The following TEX10 variants were observed in gnomAD, a reference collection of about 807,000 sequenced individuals.
TEX10 encodes the protein testis-expressed protein 10.
Under a neutral mutation model 104.4 loss-of-function variants are expected in TEX10, and 24 were observed. The observed-to-expected ratio is 0.23, with a 90% CI of 0.17 to 0.32. The LOEUF (loss-of-function observed/expected upper bound fraction) is 0.32. Ranked by LOEUF, TEX10 falls within the 10% of genes least tolerant of loss-of-function variation. The probability of loss-of-function intolerance (pLI) is 1.00; values close to 1 mark genes in which losing one functional copy is unlikely to be tolerated. For missense variants in TEX10, 921 were observed against 1,083.9 expected (o/e 0.85, Z 2.11); for synonymous variants, 396 against 393.4 (o/e 1.01, Z -0.08).
Position 100,340,378 on chromosome 9 carries a change from A to G in TEX10, c.1138-9T>C. ...TTTCGAAGCCATGACTCCTATTGAA[A>G]TAGCAAAGATTAGAAAAATCTACAA... On this transcript the variant is annotated splice_polypyrimidine_tract_variant and intron_variant, in intron 4 of 14. Transcript: ENST00000374902. 6.8e-7 allele frequency: 1 copy of G among 1,475,354 alleles called. No homozygotes were observed. The highest frequency in any genetic ancestry group is 9.1e-7 in the Non-Finnish European group (1 of 1,101,462). The allele number at this position is 1,475,354 out of a possible 1,614,324, so 91.4% of individuals were successfully genotyped here.
chr9:100,314,906 T>C (rs905595343), intron 11 of TEX10, among the ~76,000 whole-genome samples: 2 of 152,208 alleles, frequency 1.3e-5, no homozygotes, highest in African/African-American at 4.8e-5. Flanking sequence ...GGTTTTAGTA[T>C]GATTTGTTTC....
chr9:100,303,853 A>T lies in TEX10; in HGVS notation c.2466-11T>A. 6.2e-7 allele frequency: 1 copy of T among 1,613,376 alleles called. No homozygotes were observed. The highest frequency in any genetic ancestry group is 8.5e-7 in the Non-Finnish European group (1 of 1,179,768). On this transcript the variant is annotated splice_polypyrimidine_tract_variant and intron_variant, in intron 13 of 14. Transcript: ENST00000374902. ...CCCCACAGCTTGTCCCTACAATAAC[A>T]GAGACAGAAATGAGTCAGTGAGCAA...
intron 1 of TEX10, among the ~76,000 whole-genome samples, chr9:100,349,683 C>T (rs10989064): frequency 0.46 from 69,032 of 151,554 alleles, 17,371 homozygotes; most frequent in East Asian, 0.89. Flanking sequence ...TTCCTTTGTT[C>T]GAGTGTAGGA....
Position 100,327,887 on chromosome 9 carries a change from A to C in TEX10, c.1701T>G (p.Pro567=). 1 of 1,606,160 alleles carries C rather than the reference A, an allele frequency of 6.2e-7. No homozygotes were observed. The highest frequency in any genetic ancestry group is 8.5e-7 in the Non-Finnish European group (1 of 1,174,642). Residue 567 remains proline, a synonymous_variant, in exon 8 of 15, where the codon CCT becomes CCG. Transcript: ENST00000374902. ...TATCGATAAGCTGTGTAGAGAGCTC[A>C]GGATTTCGGGAGCCAAGATGAGCAA... The part of the protein sequence containing the change: ...LQLAHLGSRN[P]ELSTQLIDII...
chr9:100,302,927 C>G (rs927547042), intron 14 of TEX10, among the ~76,000 whole-genome samples: 1 of 108,914 alleles, frequency 9.2e-6, no homozygotes, highest in Non-Finnish European at 1.8e-5. Context: ...CTTTTTTAAC[C>G]GCCCCCCCCC....
chr9:100,326,432 G>A lies in TEX10; in HGVS notation c.1849C>T (p.Arg617Cys), dbSNP rs369280379. The A allele has an allele frequency of 3.1e-6, 5 of 1,613,808 alleles. No homozygotes were observed. Among genetic ancestry groups the A allele is most frequent in the Admixed American group, 1.7e-5 (1 of 59,946 alleles). ...VVVLPADSQQRLVQLVYFLPS... is the reference protein window; with the variant it reads ...VVVLPADSQQCLVQLVYFLPS... Reference sequence around the variant, plus strand: ...AGGAAATATACAAGCTGAACCAAACGCTGCTGAGAGTCTGCAGGGAGAACC... The same window carrying A: ...AGGAAATATACAAGCTGAACCAAACACTGCTGAGAGTCTGCAGGGAGAACC... The change falls in exon 9 of 15, where the codon CGT becomes TGT. Residue 617 changes from arginine (R) to cysteine (C), a missense_variant. Around this residue, in one of 3 missense-constraint regions of TEX10, gnomAD observed 753 missense variants for 868.4 expected, o/e 0.87. Coordinates refer to ENST00000374902, the MANE Select transcript of TEX10 (RefSeq NM_017746.4).
chr9:100,314,391 A>T (rs1346995061), intron 11 of TEX10, among the ~76,000 whole-genome samples: 4 of 151,764 alleles, frequency 2.6e-5, no homozygotes, highest in African/African-American at 9.7e-5. Context: ...CGGCCTGGAG[A>T]TTTTTTTATT....
chr9:100,320,298 C>G lies in TEX10; in HGVS notation c.2169G>C (p.Leu723Phe). 1 of 1,612,056 alleles carries G rather than the reference C, an allele frequency of 6.2e-7. No homozygotes were observed. ...LSPVLLYLTD[L>F]DQFLHHWDVT... ...CATCCCAGTGGTGTAAAAATTGATC[C>G]AAATCTGTAAGGTAGAGAAGCACAG... Residue 723 changes from leucine (L) to phenylalanine (F), a missense_variant, in exon 11 of 15, where the codon TTG becomes TTC. Physicochemically the swap from Leu to Phe is conservative, Grantham distance 22. Coordinates refer to ENST00000374902, the MANE Select transcript of TEX10 (RefSeq NM_017746.4).
Position 100,352,463 on chromosome 9 carries a change from C to A in TEX10, c.-10+309G>T, listed in dbSNP as rs897358154. The A allele has an allele frequency of 2.6e-6, 4 of 1,551,590 alleles. No individual in the cohort carries two copies. In the African/African-American group the frequency reaches 5.5e-5, roughly 21 times the overall value. ...TCGTTCCTCCTACTCCAAGGGACGC[C>A]GGCCAGGACCAGAGTCGGGGAAGTG... On this transcript the variant is annotated intron_variant, in intron 1 of 14. Coordinates refer to ENST00000374902, the MANE Select transcript of TEX10 (RefSeq NM_017746.4).
chr9:100,303,155 G>T (rs1446694763), intron 14 of TEX10, among the ~76,000 whole-genome samples: 1 of 152,020 alleles, frequency 6.6e-6, no homozygotes, highest in African/African-American at 2.4e-5. Flanking sequence ...ACAAATGTCA[G>T]GTATACTAAA....
In TEX10 at chr9:100,352,866, C is replaced by T. The variant is rs953066612; in HGVS notation, c.-104G>A. 2 of 1,002,846 alleles carry T rather than the reference C, an allele frequency of 2.0e-6. No individual in the cohort carries two copies. Among genetic ancestry groups the T allele is most frequent in the Non-Finnish European group, 2.4e-6 (2 of 842,500 alleles). The allele number at this position is 1,002,846 out of a possible 1,614,324, so 62.1% of individuals were successfully genotyped here. A position where few individuals can be genotyped will look rare whatever the true frequency, so the allele number is the denominator to read the frequency against. On this transcript the variant is annotated 5_prime_UTR_variant, in exon 1 of 15. Coordinates refer to ENST00000374902, the MANE Select transcript of TEX10 (RefSeq NM_017746.4). ...AACAGCGTGCGCCGCCGACCTCAGG[C>T]TCTAGCTCCCGGAGCGTGTTTTCAA... is the stretch of plus-strand genomic sequence containing the variant.
At chr9:100,312,362 G>A (rs1834302238) in intron 11 of TEX10, among the ~76,000 whole-genome samples, 1 of 152,102 alleles carries the variant, frequency 6.6e-6, no homozygotes, top group South Asian at 2.1e-4. Context: ...AGATGAGAGG[G>A]GTGGCAGCAA....
At chr9:100,331,119 G>C (rs1054136869) in intron 5 of TEX10, among the ~76,000 whole-genome samples, 3 of 152,238 alleles carry the variant, frequency 2.0e-5, no homozygotes, top group African/African-American at 4.8e-5. Context: ...AAATTAGCCG[G>C]GTGTGGTGGC....
At chr9:100,308,477 G>T in intron 13 of TEX10, 23 bp downstream of exon 13, 1 of 1,560,804 alleles carries the variant, frequency 6.4e-7, no homozygotes, top group Non-Finnish European at 8.6e-7. Context: ...GAAAATTAAG[G>T]TTGAAGAATA....
chr9:100,324,320 C>T (rs1834649359), intron 9 of TEX10, among the ~76,000 whole-genome samples: 1 of 152,090 alleles, frequency 6.6e-6, no homozygotes, highest in African/African-American at 2.4e-5. Flanking sequence ...AGGTATGAGC[C>T]ACTGCGCCTG....
Position 100,352,794 on chromosome 9 carries a change from G to C in TEX10, c.-32C>G. On this transcript the variant is annotated 5_prime_UTR_variant, in exon 1 of 15. Coordinates refer to ENST00000374902, the MANE Select transcript of TEX10 (RefSeq NM_017746.4). Reference sequence around the variant, plus strand: ...TACCTGAGGACCCGGCCGCGGCCGGGGCGAGAAGCCCGAGAAGACAAGCGA... The same window carrying C: ...TACCTGAGGACCCGGCCGCGGCCGGCGCGAGAAGCCCGAGAAGACAAGCGA... 1.9e-6 allele frequency: 2 copies of C among 1,071,296 alleles called. No individual in the cohort carries two copies. Among genetic ancestry groups the C allele is most frequent in the Non-Finnish European group, 2.3e-6 (2 of 887,440 alleles). The allele number at this position is 1,071,296 out of a possible 1,614,324, so 66.4% of individuals were successfully genotyped here.
At chr9:100,305,278 C>G (rs936769802) in intron 13 of TEX10, 1 of 152,190 alleles carries the variant, frequency 6.6e-6, no homozygotes, top group Non-Finnish European at 1.5e-5. Context: ...GGAGCAGCCC[C>G]TTCACTATAT....
chr9:100,337,481 A>C (rs1835040466), intron 5 of TEX10, among the ~76,000 whole-genome samples: 1 of 152,262 alleles, frequency 6.6e-6, no homozygotes, highest in African/African-American at 2.4e-5. Context: ...TCTGAAGCTT[A>C]CCTATGAATC....
intron 11 of TEX10, among the ~76,000 whole-genome samples, chr9:100,319,189 T>A (rs916202216): frequency 2.0e-5 from 3 of 151,930 alleles, no homozygotes; most frequent in Admixed American, 6.6e-5. Flanking sequence ...CGAGACTCCA[T>A]CTCAAAAAAA....
Sources: gnomAD v4.1 joint callset for allele counts (sites outside exome capture counted in the v4.1 genomes callset) on GRCh38, gnomAD v4.1.1 for gene constraint, gnomAD v4.1.1 regional missense constraint, MANE v1.5 for transcripts, NCBI Gene and HGNC (gene_info 2026-07-23, HGNC 2026-07-21) for gene names.